KDM4B: variants seen among roughly 807,000 people sequenced by gnomAD.
KDM4B encodes lysine demethylase 4B, also known as lysine-specific demethylase 4B.
Under a neutral mutation model 125.2 loss-of-function variants are expected in KDM4B, and 32 were observed. The observed-to-expected ratio is 0.26, with a 90% CI of 0.19 to 0.34. The LOEUF is 0.34. Ranked by LOEUF, KDM4B falls within the 10% of genes least tolerant of loss-of-function variation. The pLI is 1.00. For synonymous variants in KDM4B, 721 were observed against 677.9 expected (o/e 1.06, Z -0.99); for missense variants, 1,190 against 1,577.7 (o/e 0.75, Z 4.16).
intron 1 of KDM4B, among the ~76,000 whole-genome samples, chr19:4,969,754 G>T (rs1331394068): frequency 1.3e-5 from 2 of 151,456 alleles, no homozygotes; most frequent in Non-Finnish European, 3.0e-5. Context: ...GACACCCAGG[G>T]ATGCCCCCTA....
intron 1 of KDM4B, among the ~76,000 whole-genome samples, chr19:5,009,516 G>A (rs2035665964): frequency 6.6e-6 from 1 of 152,126 alleles, no homozygotes; most frequent in African/African-American, 2.4e-5. Context: ...AACCTGCTAT[G>A]CCTTGAGCTT....
chr19:5,116,607 C>G (rs957616273), intron 10 of KDM4B, among the ~76,000 whole-genome samples: 2 of 152,102 alleles, frequency 1.3e-5, no homozygotes, highest in Admixed American at 6.5e-5. Context: ...CCAGGGGTGT[C>G]ATGGAGAGAA....
intron 10 of KDM4B, among the ~76,000 whole-genome samples, chr19:5,116,891 C>G (rs547522293): frequency 5.0e-4 from 76 of 152,304 alleles, no homozygotes; most frequent in African/African-American, 1.7e-3. Context: ...TGGCCACACC[C>G]TCAACACCTG....
chr19:5,063,993 A>G (rs1230751935), intron 6 of KDM4B, among the ~76,000 whole-genome samples: 1 of 152,192 alleles, frequency 6.6e-6, no homozygotes, highest in Non-Finnish European at 1.5e-5. Context: ...TCTCGCAGGA[A>G]GCCCACCCTG....
intron 2 of KDM4B, among the ~76,000 whole-genome samples, chr19:5,017,104 C>CA (rs2035916785): frequency 6.6e-6 from 1 of 152,208 alleles, no homozygotes; most frequent in African/African-American, 2.4e-5. Flanking sequence ...CTTCCCTGTG[C>CA]AGAGGGAGGA....
Position 5,081,792 on chromosome 19 carries a change from G to A in KDM4B, c.781-575G>A, listed in dbSNP as rs1029043263. 9.9e-5 allele frequency among the ~76,000 whole-genome samples: 15 copies of A among 152,198 alleles called. No individual in the cohort carries two copies. Among genetic ancestry groups the A allele is most frequent in the Admixed American group, 6.5e-5 (1 of 15,282 alleles). ...GGCGTGTCGCAGGCCCCTTCCTGGC[G>A]TGTTTTGCGCGTGCAGTGGTGGTTC... On this transcript the variant is annotated intron_variant, in intron 8 of 22. Transcript: ENST00000159111. This position sits in a 1 kb window ranked among gnomAD's most constrained non-coding sequence, Gnocchi z 4.2.
At chr19:5,001,012 A>G (rs1176333660) in intron 1 of KDM4B, among the ~76,000 whole-genome samples, 1 of 151,654 alleles carries the variant, frequency 6.6e-6, no homozygotes. Context: ...AAAGAAGCAG[A>G]TGTGTATTTT....
chr19:5,004,513 C>T (rs968846840), intron 1 of KDM4B, among the ~76,000 whole-genome samples: 1 of 152,196 alleles, frequency 6.6e-6, no homozygotes. Context: ...GAGCAATGCC[C>T]TCAGCCAGGC....
At chr19:5,027,514 T>G (rs1175822472) in intron 2 of KDM4B, among the ~76,000 whole-genome samples, 1 of 151,740 alleles carries the variant, frequency 6.6e-6, no homozygotes, top group Admixed American at 6.6e-5. Context: ...CCATCATTCT[T>G]CCTCCCTCCC....
chr19:5,102,536 C>G (rs1448614378), intron 9 of KDM4B, among the ~76,000 whole-genome samples: 1 of 152,160 alleles, frequency 6.6e-6, no homozygotes, highest in Non-Finnish European at 1.5e-5. Context: ...AGGGGCTGAG[C>G]CTCCACAGGC....
chr19:5,072,079 C>G (rs954515459), intron 7 of KDM4B, among the ~76,000 whole-genome samples: 26 of 152,326 alleles, frequency 1.7e-4, no homozygotes, highest in African/African-American at 6.3e-4. Context: ...CACAGCTTTT[C>G]CAGGAGCTCT....
In KDM4B at chr19:5,132,717, TCCCCCAC is replaced by T. The variant is rs1223522195; in HGVS notation, c.1906+711_1906+717del. On this transcript the variant is annotated intron_variant, in intron 13 of 22. Transcript: ENST00000159111. The stretch of plus-strand genomic sequence containing the variant: ...AGGCATCTCTGGGGCCTCCGTGGAC[TCCCCCAC>T]TCCCCACACCCCACTGTGACCCTTT... Among the ~76,000 whole-genome samples the T allele has an allele frequency of 2.7e-5, 4 of 145,546 alleles. No individual in the cohort carries two copies. The Admixed American group carries it at 2.8e-4, about 10-fold the overall frequency.
intron 6 of KDM4B, among the ~76,000 whole-genome samples, chr19:5,059,092 C>T (rs2037501056): frequency 6.6e-6 from 1 of 152,236 alleles, no homozygotes; most frequent in Non-Finnish European, 1.5e-5. Flanking sequence ...CCCGCCCACC[C>T]AGTCTACGTA....
chr19:5,086,734 T>C (rs1340337392), intron 9 of KDM4B, among the ~76,000 whole-genome samples: 6 of 152,130 alleles, frequency 3.9e-5, no homozygotes, highest in Admixed American at 3.9e-4. Flanking sequence ...CTCGAGCCAG[T>C]GCAGCTCCCT....
intron 2 of KDM4B, among the ~76,000 whole-genome samples, chr19:5,018,317 C>T (rs2035957014): frequency 2.6e-5 from 4 of 152,214 alleles, no homozygotes; most frequent in Admixed American, 2.0e-4. Flanking sequence ...CGTGAGTCAC[C>T]TCATCCTGCC....
At chr19:5,143,920 C>T (rs748314510) in intron 18 of KDM4B, 47 bp from the exon 19 acceptor site, 2 of 1,472,508 alleles carry the variant, frequency 1.4e-6, no homozygotes, top group African/African-American at 1.4e-5. Flanking sequence ...TCCAGGGTCC[C>T]TAGGGAAGCT....
intron 15 of KDM4B, 90 bp downstream of exon 15, chr19:5,135,651 G>GGAT: frequency 9.0e-7 from 1 of 1,111,884 alleles, no homozygotes; most frequent in Non-Finnish European, 1.3e-6. Context: ...CCCCTGCGGA[G>GGAT]GGCCACACCG....
intron 9 of KDM4B, among the ~76,000 whole-genome samples, chr19:5,088,663 C>T (rs571483036): frequency 1.1e-4 from 12 of 105,978 alleles, no homozygotes; most frequent in East Asian, 6.8e-4. Flanking sequence ...AGGCCCCCCC[C>T]CTCCCCCCCC....
At chr19:5,122,974 A>G (rs1329867778) in intron 11 of KDM4B, among the ~76,000 whole-genome samples, 2 of 152,228 alleles carry the variant, frequency 1.3e-5, no homozygotes, top group Non-Finnish European at 2.9e-5. Flanking sequence ...GAGCATTTGC[A>G]AACTGCACAC....
Sources: allele counts gnomAD v4.1 joint callset (sites outside exome capture counted in the v4.1 genomes callset), GRCh38; gene constraint gnomAD v4.1.1; non-coding constraint Gnocchi (gnomAD v3.1); transcripts MANE v1.5; gene names NCBI Gene and HGNC (gene_info 2026-07-23, HGNC 2026-07-21).